The following SLC25A21 variants were observed in gnomAD, a reference collection of about 807,000 sequenced individuals.
The protein encoded by SLC25A21 is solute carrier family 25 member 21.
SLC25A21 carries 47 observed loss-of-function variants against 43.8 expected under a neutral mutation model. The observed-to-expected ratio is 1.07, with a 90% CI of 0.85 to 1.37. SLC25A21 has a LOEUF of 1.37. Among genes scored for constraint, SLC25A21 ranks in the 40% most tolerant of loss-of-function variants. The pLI, the probability that SLC25A21 is intolerant of heterozygous loss-of-function variation, is 0.00. For missense variants in SLC25A21, 352 were observed against 350.2 expected, an observed-to-expected ratio of 1.00 and a Z score of -0.04; for synonymous variants, 131 against 121.3, an observed-to-expected ratio of 1.08 and a Z score of -0.52.
At chr14:37,145,000 T>C (rs944236593) in intron 1 of SLC25A21, among the ~76,000 whole-genome samples, 10 of 152,042 alleles carry the variant, frequency 6.6e-5, no homozygotes, top group Admixed American at 5.9e-4. Context: ...TACTCATATG[T>C]TTTCCCTCTC....
intron 2 of SLC25A21, among the ~76,000 whole-genome samples, chr14:36,846,613 C>T (rs1338662596): frequency 6.6e-6 from 1 of 152,168 alleles, no homozygotes; most frequent in East Asian, 1.9e-4. Flanking sequence ...AACTCCCAAC[C>T]TCAGGTGATC....
At chr14:36,688,501 C>T (rs193297707) in intron 7 of SLC25A21, among the ~76,000 whole-genome samples, 1 of 152,328 alleles carries the variant, frequency 6.6e-6, no homozygotes, top group Admixed American at 6.5e-5. Flanking sequence ...TCCCCTCTAC[C>T]CAGACCCCTG....
chr14:37,001,489 G>T (rs189338926), intron 1 of SLC25A21, among the ~76,000 whole-genome samples: 3 of 152,126 alleles, frequency 2.0e-5, no homozygotes, highest in Non-Finnish European at 2.9e-5. Flanking sequence ...TCTTCATTCT[G>T]CTGTTATTGC....
At chr14:37,132,204 G>A (rs1449019982) in intron 1 of SLC25A21, among the ~76,000 whole-genome samples, 1 of 152,184 alleles carries the variant, frequency 6.6e-6, no homozygotes, top group African/African-American at 2.4e-5. Flanking sequence ...CCATTCATGA[G>A]GGTCTTGCCT....
At chr14:36,955,069 G>A (rs985760323) in intron 1 of SLC25A21, among the ~76,000 whole-genome samples, 3 of 152,146 alleles carry the variant, frequency 2.0e-5, no homozygotes, top group Non-Finnish European at 2.9e-5. Flanking sequence ...CCATCTGAAA[G>A]TTATCTGTCT....
chr14:37,027,799 G>A (rs537138088), intron 1 of SLC25A21, among the ~76,000 whole-genome samples: 10 of 152,092 alleles, frequency 6.6e-5, no homozygotes, highest in Non-Finnish European at 1.2e-4. Flanking sequence ...GCTCTAGTGC[G>A]GTTCAAGGTT....
At chr14:36,980,953 C>T (rs1157927681) in intron 1 of SLC25A21, among the ~76,000 whole-genome samples, 3 of 152,116 alleles carry the variant, frequency 2.0e-5, no homozygotes, top group Non-Finnish European at 4.4e-5. Context: ...GGACAAAGGG[C>T]TAATATCCAG....
intron 2 of SLC25A21, among the ~76,000 whole-genome samples, chr14:36,868,250 G>A (rs1890268268): frequency 6.6e-6 from 1 of 152,080 alleles, no homozygotes; most frequent in South Asian, 2.1e-4. Flanking sequence ...TGTAGCCATA[G>A]GTTCTTAATG....
chr14:36,930,424 T>C (rs1566747235), intron 1 of SLC25A21, among the ~76,000 whole-genome samples: 1 of 152,132 alleles, frequency 6.6e-6, no homozygotes, highest in East Asian at 1.9e-4. Flanking sequence ...CTCCCCTTTT[T>C]CACTCAGTCC....
At chr14:36,943,839 A>C (rs1892623144) in intron 1 of SLC25A21, among the ~76,000 whole-genome samples, 1 of 152,184 alleles carries the variant, frequency 6.6e-6, no homozygotes, top group African/African-American at 2.4e-5. Flanking sequence ...TCCAGTTAGC[A>C]AGAAGCCTTT....
At chr14:36,918,319 T>C (rs1891887092) in intron 1 of SLC25A21, among the ~76,000 whole-genome samples, 1 of 152,196 alleles carries the variant, frequency 6.6e-6, no homozygotes, top group Admixed American at 6.6e-5. Flanking sequence ...CAGAATCACA[T>C]GTTCTTACAG....
intron 1 of SLC25A21, among the ~76,000 whole-genome samples, chr14:36,915,341 C>A (rs899557780): frequency 6.6e-6 from 1 of 152,108 alleles, no homozygotes; most frequent in African/African-American, 2.4e-5. Context: ...GGGCAAACTC[C>A]CACACTCTCT....
intron 9 of SLC25A21, 113 bp from the exon 10 acceptor site, chr14:36,680,832 C>T (rs1454076012): frequency 1.3e-5 from 11 of 830,400 alleles, no homozygotes; most frequent in Admixed American, 5.1e-5. Flanking sequence ...AGAGGCTGTT[C>T]GGAATCAACA....
intron 1 of SLC25A21, among the ~76,000 whole-genome samples, chr14:36,881,664 T>C (rs150196590): frequency 0.014 from 2,200 of 152,282 alleles, 39 homozygotes; most frequent in Admixed American, 0.044. Flanking sequence ...GACGGACTGA[T>C]TGATTGTGGA....
At chr14:37,084,671 T>G (rs1024568785) in intron 1 of SLC25A21, among the ~76,000 whole-genome samples, 1 of 152,194 alleles carries the variant, frequency 6.6e-6, no homozygotes, top group African/African-American at 2.4e-5. Context: ...TCATAAATAC[T>G]TGAATGCATT....
At chr14:37,095,480 T>C (rs73264163) in intron 1 of SLC25A21, among the ~76,000 whole-genome samples, 80 of 152,292 alleles carry the variant, frequency 5.3e-4, no homozygotes, top group African/African-American at 1.9e-3. Flanking sequence ...ATTGTGCCAC[T>C]GAACTCTAAC....
chr14:37,010,530 G>A (rs1468620653), intron 1 of SLC25A21, among the ~76,000 whole-genome samples: 1 of 152,154 alleles, frequency 6.6e-6, no homozygotes, highest in Non-Finnish European at 1.5e-5. Context: ...AGGCAGAAAA[G>A]GAGAAGGACA....
intron 1 of SLC25A21, among the ~76,000 whole-genome samples, chr14:37,052,550 A>G (rs1291988697): frequency 6.6e-6 from 1 of 152,150 alleles, no homozygotes; most frequent in East Asian, 1.9e-4. Flanking sequence ...TTAAGTATTC[A>G]TCTCAATCAT....
At chr14:36,779,846 A>G (rs1886987299) in intron 3 of SLC25A21, among the ~76,000 whole-genome samples, 1 of 151,512 alleles carries the variant, frequency 6.6e-6, no homozygotes, top group Non-Finnish European at 1.5e-5. Context: ...TGGTAGTTCT[A>G]TTTTGAATAT....
Sources: gnomAD v4.1 joint callset for allele counts (sites outside exome capture counted in the v4.1 genomes callset) on GRCh38, gnomAD v4.1.1 for gene constraint, MANE v1.5 for transcripts, NCBI Gene and HGNC (gene_info 2026-07-23, HGNC 2026-07-21) for gene names.